Variants in SLC16A12 observed in about 807,000 individuals in gnomAD.
The protein encoded by SLC16A12 is monocarboxylate transporter 12.
SLC16A12 carries 17 observed loss-of-function variants against 42.4 expected under a neutral mutation model. The ratio of observed to expected loss-of-function variants is 0.40; its 90% CI spans 0.27 to 0.60. The LOEUF is 0.60. Among genes scored for constraint, SLC16A12 ranks in the 20% least tolerant of loss-of-function variants. The pLI is 0.42. For missense variants in SLC16A12, 544 were observed against 623.0 expected (o/e 0.87, Z 1.35); for synonymous variants, 224 against 229.4 (o/e 0.98, Z 0.21).
intron 3 of SLC16A12, among the ~76,000 whole-genome samples, chr10:89,452,610 C>T (rs1002410165): frequency 2.0e-5 from 3 of 152,108 alleles, no homozygotes; most frequent in Non-Finnish European, 4.4e-5. Context: ...TTGCACTGGG[C>T]CCTATAATTT....
At chr10:89,467,922 C>A (rs966861287) in intron 2 of SLC16A12, 1 of 152,074 alleles carries the variant, frequency 6.6e-6, no homozygotes, top group Non-Finnish European at 1.5e-5. Flanking sequence ...AGGCAACAAG[C>A]CCCTGGCAAA....
chr10:89,499,038 A>G (rs1842960718), intron 2 of SLC16A12, among the ~76,000 whole-genome samples: 1 of 152,138 alleles, frequency 6.6e-6, no homozygotes, highest in Admixed American at 6.6e-5. Flanking sequence ...GAACCAGAAA[A>G]CCAACTCTGG....
intron 2 of SLC16A12, among the ~76,000 whole-genome samples, chr10:89,506,288 C>T (rs1382181545): frequency 6.6e-6 from 1 of 152,178 alleles, no homozygotes; most frequent in Non-Finnish European, 1.5e-5. Context: ...GGAGATACCT[C>T]CCAGTAGGGG....
chr10:89,538,638 T>A (rs1843694840), upstream of SLC16A12, among the ~76,000 whole-genome samples: 1 of 152,206 alleles, frequency 6.6e-6, no homozygotes, highest in Non-Finnish European at 1.5e-5. Context: ...AGTAATAGAA[T>A]GAAAATTAAA....
chr10:89,454,487 C>T (rs1842151813), intron 3 of SLC16A12, among the ~76,000 whole-genome samples: 1 of 152,186 alleles, frequency 6.6e-6, no homozygotes, highest in South Asian at 2.1e-4. Context: ...CCTAATGCTT[C>T]ATACTTTTTA....
intron 2 of SLC16A12, among the ~76,000 whole-genome samples, chr10:89,517,480 AT>A (rs58938542): frequency 0.14 from 21,119 of 147,402 alleles, 1,713 homozygotes; most frequent in East Asian, 0.3. Flanking sequence ...CAGGTAATTA[AT>A]TTTTTTTTTT....
intron 2 of SLC16A12, chr10:89,468,155 T>TC (rs1842434997): frequency 6.6e-6 from 1 of 152,222 alleles, no homozygotes; most frequent in South Asian, 2.1e-4. Context: ...GCTGTGGTGA[T>TC]AGCACGATGA....
chr10:89,450,762 A>G (rs900823187), intron 3 of SLC16A12, among the ~76,000 whole-genome samples: 6 of 152,230 alleles, frequency 3.9e-5, no homozygotes, highest in African/African-American at 1.4e-4. Context: ...ATAATAAAAA[A>G]AAGAAAATTT....
At chr10:89,529,719 T>C (rs1279649153) in intron 2 of SLC16A12, among the ~76,000 whole-genome samples, 2 of 152,126 alleles carry the variant, frequency 1.3e-5, no homozygotes, top group East Asian at 3.9e-4. Context: ...AGCTAATTTT[T>C]GTATTTTTAG....
intron 2 of SLC16A12, among the ~76,000 whole-genome samples, chr10:89,542,519 G>A (rs1488492312): frequency 6.6e-6 from 1 of 152,028 alleles, no homozygotes; most frequent in Non-Finnish European, 1.5e-5. Flanking sequence ...GGCCAGGCTG[G>A]TCTTGAACAC....
intron 2 of SLC16A12, among the ~76,000 whole-genome samples, chr10:89,477,831 T>C (rs1014407806): frequency 2.0e-5 from 3 of 152,052 alleles, no homozygotes; most frequent in African/African-American, 7.2e-5. Context: ...AAGTCTATTG[T>C]TCCCTCCCAG....
chr10:89,454,001 T>G (rs920299600), intron 3 of SLC16A12, among the ~76,000 whole-genome samples: 3 of 152,042 alleles, frequency 2.0e-5, no homozygotes, highest in African/African-American at 7.2e-5. Context: ...CTTTTTACTT[T>G]TATTGCCTCC....
intron 2 of SLC16A12, among the ~76,000 whole-genome samples, chr10:89,487,745 G>C (rs1842779578): frequency 6.9e-6 from 1 of 144,670 alleles, no homozygotes; most frequent in Admixed American, 7.2e-5. Flanking sequence ...CTGGGAGGCA[G>C]AGTTTGCTGT....
intron 6 of SLC16A12, among the ~76,000 whole-genome samples, chr10:89,437,383 G>A (rs963366285): frequency 6.6e-6 from 1 of 152,116 alleles, no homozygotes; most frequent in Non-Finnish European, 1.5e-5. Flanking sequence ...AGCCTCATTT[G>A]AACATCACAA....
At position 89,492,302 on chromosome 10, in the gene SLC16A12, G is replaced by A. The variant is rs1381274510; in HGVS notation, c.-46-29678C>T. Among the ~76,000 whole-genome samples, 4 of 152,094 alleles carry A rather than the reference G, an allele frequency of 2.6e-5. No homozygotes were observed. The South Asian group carries it at 8.3e-4, about 32-fold the overall frequency. On this transcript the variant is annotated intron_variant, in intron 2 of 7. Coordinates refer to ENST00000371790, the MANE Select transcript of SLC16A12 (RefSeq NM_213606.4). ...TTAAACATGACACTACAAGGATGGT[G>A]ATAAATGTATATAATTATCCACTAA...
intron 3 of SLC16A12, among the ~76,000 whole-genome samples, chr10:89,449,739 A>C (rs562818018): frequency 3.9e-5 from 6 of 152,372 alleles, no homozygotes; most frequent in Middle Eastern, 3.4e-3. Flanking sequence ...AATGGCAACA[A>C]AAGCCAAAAT....
chr10:89,442,494 G>A (rs145139014), intron 4 of SLC16A12, among the ~76,000 whole-genome samples: 59 of 152,202 alleles, frequency 3.9e-4, no homozygotes, highest in African/African-American at 1.3e-3. Flanking sequence ...TAGAAATGAG[G>A]GAAATTAGTC....
exon 2 of SLC16A12, chr10:89,555,888 A>G (rs1843812158): frequency 6.6e-6 from 1 of 151,266 alleles, no homozygotes. Flanking sequence ...TTACCTCTGC[A>G]TGCTGATGAT....
chr10:89,520,074 C>T (rs1843328395), intron 2 of SLC16A12, among the ~76,000 whole-genome samples: 1 of 151,124 alleles, frequency 6.6e-6, no homozygotes, highest in South Asian at 2.1e-4. Context: ...GATCGCGCCA[C>T]TACACTCCAG....
Sources: allele counts gnomAD v4.1 joint callset (sites outside exome capture counted in the v4.1 genomes callset), GRCh38; gene constraint gnomAD v4.1.1; transcripts MANE v1.5; gene names NCBI Gene and HGNC (gene_info 2026-07-23, HGNC 2026-07-21).